Variants in DZIP1L observed in about 807,000 individuals in gnomAD.
The protein encoded by DZIP1L is DAZ interacting zinc finger protein 1 like.
In DZIP1L, 90 loss-of-function variants were observed where a neutral mutation model predicts 88.7. The ratio of observed to expected loss-of-function variants is 1.02; its 90% CI spans 0.86 to 1.21. DZIP1L has a LOEUF of 1.21. Among genes scored for constraint, DZIP1L ranks in the 50% most tolerant of loss-of-function variants. DZIP1L has a pLI of 0.00. For missense variants in DZIP1L, 932 were observed against 955.8 expected, an observed-to-expected ratio of 0.98 and a Z score of 0.33; for synonymous variants, 363 against 372.1, an observed-to-expected ratio of 0.98 and a Z score of 0.28.
intron 2 of DZIP1L, among the ~76,000 whole-genome samples, chr3:138,101,225 A>C (rs201217350): frequency 6.9e-6 from 1 of 144,924 alleles, no homozygotes. Context: ...CACAAACACT[A>C]TTTTTTTTTT....
chr3:138,103,114 TCACACA>T (rs59775144), intron 2 of DZIP1L, among the ~76,000 whole-genome samples: 1 of 150,956 alleles, frequency 6.6e-6, no homozygotes, highest in Non-Finnish European at 1.5e-5. Context: ...CTTCAAGTAT[TCACACA>T]CACACACACA....
At chr3:138,106,127 C>CTTTTTTTT (rs56146259) in intron 1 of DZIP1L, among the ~76,000 whole-genome samples, 44 of 64,534 alleles carry the variant, frequency 6.8e-4, no homozygotes, top group East Asian at 2.1e-3. Flanking sequence ...AGTCTTCTTT[C>CTTTTTTTT]TTTTTTTTTT....
At chr3:138,103,435 C>A (rs1210870814) in intron 2 of DZIP1L, 36 bp downstream of exon 2, 2 of 1,561,538 alleles carry the variant, frequency 1.3e-6, no homozygotes, top group Non-Finnish European at 8.7e-7. Context: ...GGGCACACAG[C>A]CCTCCCACTC....
At position 138,087,014 on chromosome 3, in the gene DZIP1L, A is replaced by C. The variant is rs776620159; in HGVS notation, c.1009T>G (p.Trp337Gly). 6.2e-7 allele frequency: 1 copy of C among 1,613,258 alleles called. No individual in the cohort carries two copies. Among genetic ancestry groups the C allele is most frequent in the Non-Finnish European group, 8.5e-7 (1 of 1,179,874 alleles). Residue 337 changes from tryptophan to glycine, a missense_variant, in exon 7 of 16, where the codon TGG (tryptophan) becomes GGG (glycine). Physicochemically the swap from Trp to Gly is radical, Grantham distance 184 (BLOSUM62 -2). Coordinates refer to ENST00000327532, the MANE Select transcript of DZIP1L (RefSeq NM_173543.3). Reference sequence around the variant, plus strand: ...TGCAGTTCCTTCACTTTTCTTTTCCACTCCGTTTTCTGAAAAAGATTAAAA... The same window carrying C: ...TGCAGTTCCTTCACTTTTCTTTTCCCCTCCGTTTTCTGAAAAAGATTAAAA... ...REKTEIQKTE[W>G]KRKVKELHEE...
intron 12 of DZIP1L, chr3:138,069,034 T>C (rs1943048162): frequency 7.9e-7 from 1 of 1,260,358 alleles, no homozygotes; most frequent in Non-Finnish European, 1.0e-6. Flanking sequence ...CAGAAAATGT[T>C]TGAAATACAG....
intron 10 of DZIP1L, 57 bp downstream of exon 10, chr3:138,080,510 G>A: frequency 6.3e-7 from 1 of 1,583,118 alleles, no homozygotes; most frequent in South Asian, 1.1e-5. Flanking sequence ...TAAACAAGGA[G>A]GAGGGCAGCA....
intron 4 of DZIP1L, 26 bp from the exon 5 acceptor site, chr3:138,092,570 G>T: frequency 1.3e-6 from 2 of 1,543,948 alleles, no homozygotes; most frequent in South Asian, 1.3e-5. Context: ...AGAACAATAT[G>T]ATGATTAATT....
At chr3:138,102,877 G>A in intron 2 of DZIP1L, 2 of 655,750 alleles carry the variant, frequency 3.0e-6, no homozygotes, top group Non-Finnish European at 5.5e-6. Flanking sequence ...GGGGCCAGAG[G>A]TGGGCACCTT....
rs749378407 is a variant in DZIP1L, at chr3:138,062,963, C to T, written c.2157G>A (p.Glu719=). ...CCAAGGAGGAGATCTCCAAGTCACT[C>T]TCATCTTCAGAAAGCTGCAGGGGGT... ...PGRKPQLSED[E]SDLEISSLED... is the part of the protein sequence containing the mutation. The change falls in exon 16 of 16, where the codon GAG becomes GAA. Residue 719 remains glutamate, a synonymous_variant. Transcript: ENST00000327532. 1.2e-6 allele frequency: 2 copies of T among 1,614,074 alleles called. No individual in the cohort carries two copies. Among genetic ancestry groups the T allele is most frequent in the South Asian group, 1.1e-5 (1 of 91,078 alleles).
rs375457172 is a variant in DZIP1L, at chr3:138,103,934, C to A, written c.38G>T (p.Gly13Val). The A allele has an allele frequency of 1.5e-5, 24 of 1,613,004 alleles. No individual in the cohort carries two copies. Among genetic ancestry groups the A allele is most frequent in the Non-Finnish European group, 1.9e-5 (23 of 1,180,004 alleles). The change falls in exon 2 of 16, where the codon GGC becomes GTC. Residue 13 changes from glycine (G) to valine (V), a missense_variant. Coordinates refer to ENST00000327532, the MANE Select transcript of DZIP1L (RefSeq NM_173543.3). Reference protein sequence around the residue: ...SPAATAEGLSGPLFGAYTFPT... With the variant: ...SPAATAEGLSVPLFGAYTFPT... The stretch of plus-strand genomic sequence containing the variant: ...GAACGTGTAGGCCCCAAAGAGGGGG[C>A]CACTGAGGCCCTCAGCAGTGGCAGC...
intron 12 of DZIP1L, chr3:138,068,969 G>C: frequency 7.9e-7 from 1 of 1,272,922 alleles, no homozygotes; most frequent in Non-Finnish European, 9.9e-7. Context: ...CAGGGAGTCA[G>C]ACATGTGTGG....
chr3:138,076,947 TATACATACATACATGTATATAC>T (rs1279894650), intron 11 of DZIP1L, among the ~76,000 whole-genome samples: 1 of 151,728 alleles, frequency 6.6e-6, no homozygotes, highest in Non-Finnish European at 1.5e-5. Context: ...GAAAATAAAA[TATACATACATACATGTATATAC>T]ATACATACAT....
In DZIP1L at chr3:138,103,847, T is replaced by C. The variant is rs764030474; in HGVS notation, c.125A>G (p.Asp42Gly). The C allele has an allele frequency of 5.0e-6, 8 of 1,614,004 alleles. No homozygotes were observed. The East Asian group carries it at 1.1e-4, about 22-fold the overall frequency. The change falls in exon 2 of 16, where the codon GAT becomes GGT. Residue 42 changes from aspartate (D) to glycine (G), a missense_variant. Physicochemically the swap from Asp to Gly is moderately conservative, Grantham distance 94. Transcript: ENST00000327532. ...CAGTTCCCGGGCCACGCGGTCTACA[T>C]CCAGGGTGCTAATGCGTCTCCAGTC... ...SMDWRRISTL[D>G]VDRVARELDV... is the part of the protein sequence containing the mutation.
chr3:138,086,170 A>G (rs6809258), intron 7 of DZIP1L, among the ~76,000 whole-genome samples: 94,432 of 150,024 alleles, frequency 0.63, 30,238 homozygotes, highest in Non-Finnish European at 0.7. Flanking sequence ...TGACAAGTTA[A>G]TGGGTGCAGC....
chr3:138,067,984 G>A (rs538941926), intron 13 of DZIP1L, among the ~76,000 whole-genome samples, 167 bp downstream of exon 13: 1 of 152,266 alleles, frequency 6.6e-6, no homozygotes, highest in Non-Finnish European at 1.5e-5. Flanking sequence ...TGGGAGCACA[G>A]GTTCTCAAGT....
chr3:138,075,556 G>A (rs1292796667), intron 11 of DZIP1L, among the ~76,000 whole-genome samples: 2 of 152,178 alleles, frequency 1.3e-5, no homozygotes, highest in African/African-American at 2.4e-5. Context: ...CTGAATAATC[G>A]TTGGGTCAAC....
At chr3:138,107,450 T>G (rs2042528324) in intron 1 of DZIP1L, among the ~76,000 whole-genome samples, 1 of 152,202 alleles carries the variant, frequency 6.6e-6, no homozygotes, top group Non-Finnish European at 1.5e-5. Flanking sequence ...ATATTGGACT[T>G]GATATTGGAC....
At position 138,062,644 on chromosome 3, in the gene DZIP1L, C is replaced by T. The variant is rs1229309798; in HGVS notation, c.*172G>A. ...CCTGTGGCCATCTACAGCAGGGCCC[C>T]TCACAGGTCAGGAGGGATGAGATCA... On this transcript the variant is annotated 3_prime_UTR_variant, in exon 16 of 16. Coordinates refer to ENST00000327532, the MANE Select transcript of DZIP1L (RefSeq NM_173543.3). The T allele has an allele frequency of 1.9e-5, 14 of 738,702 alleles. No individual in the cohort carries two copies. Among genetic ancestry groups the T allele is most frequent in the Non-Finnish European group, 3.0e-5 (14 of 473,536 alleles). 45.8% of individuals were successfully genotyped at this position (738,702 alleles called of 1,614,324 possible).
At chr3:138,097,628 G>T in intron 3 of DZIP1L, 135 bp downstream of exon 3, 1 of 791,594 alleles carries the variant, frequency 1.3e-6, no homozygotes, top group Non-Finnish European at 2.0e-6. Context: ...TGGATGGTGG[G>T]ATCATCCCAT....
Sources: gnomAD v4.1 joint callset for allele counts (sites outside exome capture counted in the v4.1 genomes callset) on GRCh38, gnomAD v4.1.1 for gene constraint, MANE v1.5 for transcripts, NCBI Gene and HGNC (gene_info 2026-07-23, HGNC 2026-07-21) for gene names.